COL19A1: variants seen among roughly 807,000 people sequenced by gnomAD.
The protein encoded by COL19A1 is collagen type XIX alpha 1 chain, also known as collagen alpha-1(XIX) chain.
Under a neutral mutation model 190.2 loss-of-function variants are expected in COL19A1, and 159 were observed. The observed-to-expected ratio is 0.84, with a 90% confidence interval of 0.73 to 0.95. The LOEUF is 0.95. Among genes scored for constraint, COL19A1 ranks in the 40% least tolerant of loss-of-function variants. The pLI, the probability that COL19A1 is intolerant of heterozygous loss-of-function variation, is 0.00. For synonymous variants in COL19A1, 509 were observed against 458.9 expected (o/e 1.11, Z -1.39); for missense variants, 1,418 against 1,431.9 (o/e 0.99, Z 0.16).
In COL19A1 at chr6:70,068,430, T is replaced by G; in HGVS notation, c.1178T>G (p.Leu393Arg). 1.3e-6 allele frequency: 2 copies of G among 1,595,956 alleles called. No homozygotes were observed. The highest frequency in any genetic ancestry group is 2.2e-5 in the South Asian group (2 of 90,620). Residue 393 changes from leucine (L) to arginine (R), a missense_variant, in exon 15 of 51, where the codon CTG becomes CGG. Physicochemically the swap from Leu to Arg is moderately radical, Grantham distance 102 (BLOSUM62 -2). Coordinates refer to ENST00000620364, the MANE Select transcript of COL19A1 (RefSeq NM_001858.6). ...GTCTCTTTTTCCTCATAGGGTTCCC[T>G]GGGGATACAAGGCCCCCAAGGTCCA... ...PPGPPALPGS[L>R]GIQGPQGPPG...
At chr6:69,968,758 T>G (rs1775259360) in intron 11 of COL19A1, among the ~76,000 whole-genome samples, 1 of 152,182 alleles carries the variant, frequency 6.6e-6, no homozygotes, top group Admixed American at 6.5e-5. Flanking sequence ...TTGGGCCACT[T>G]AAAATTTGGT....
intron 11 of COL19A1, among the ~76,000 whole-genome samples, chr6:69,987,983 A>C (rs1361285022): frequency 6.6e-6 from 1 of 152,120 alleles, no homozygotes; most frequent in Admixed American, 6.6e-5. Flanking sequence ...AATTATTTGG[A>C]CCCTTAAAGC....
At chr6:70,060,776 A>G (rs1263969760) in intron 14 of COL19A1, among the ~76,000 whole-genome samples, 1 of 152,164 alleles carries the variant, frequency 6.6e-6, no homozygotes, top group Non-Finnish European at 1.5e-5. Context: ...TAATAATAAT[A>G]GAAATAAAGT....
chr6:69,891,016 G>T, intron 2 of COL19A1: 2 of 352,068 alleles, frequency 5.7e-6, no homozygotes, highest in Non-Finnish European at 5.9e-6. Context: ...CTAGCAGAAG[G>T]GGCCATTGTC....
chr6:70,063,762 C>G (rs572109570), intron 14 of COL19A1, among the ~76,000 whole-genome samples: 1 of 152,116 alleles, frequency 6.6e-6, no homozygotes, highest in South Asian at 2.1e-4. Context: ...AGAGAAGAAT[C>G]AAATAGATGC....
chr6:69,929,537 A>G lies in COL19A1; in HGVS notation c.503A>G (p.Asp168Gly). The G allele has an allele frequency of 6.2e-7, 1 of 1,614,050 alleles. No individual in the cohort carries two copies. Among genetic ancestry groups the G allele is most frequent in the African/African-American group, 1.3e-5 (1 of 75,048 alleles). The change falls in exon 6 of 51, where the codon GAT becomes GGT. Residue 168 changes from aspartate to glycine, a missense_variant. Transcript: ENST00000620364. ...FRNRELRPLF[D>G]RQWHKLGISI... Reference sequence around the variant, plus strand: ...AATCGAGAACTCCGTCCTTTGTTTGATCGTCAGTGGCACAAACTTGGCATT... The same window carrying G: ...AATCGAGAACTCCGTCCTTTGTTTGGTCGTCAGTGGCACAAACTTGGCATT...
chr6:69,900,578 T>A (rs935635221), intron 4 of COL19A1, among the ~76,000 whole-genome samples: 116 of 152,238 alleles, frequency 7.6e-4, no homozygotes, highest in African/African-American at 2.7e-3. Flanking sequence ...TAGAGAACAG[T>A]AATTAAATCC....
At chr6:70,091,479 G>T (rs1365058747) in intron 15 of COL19A1, among the ~76,000 whole-genome samples, 1 of 152,114 alleles carries the variant, frequency 6.6e-6, no homozygotes, top group African/African-American at 2.4e-5. Context: ...ATTAATTTAT[G>T]AACAATTCTG....
At chr6:70,123,049 A>G (rs1267805530) in intron 17 of COL19A1, among the ~76,000 whole-genome samples, 10 of 152,186 alleles carry the variant, frequency 6.6e-5, no homozygotes, top group Admixed American at 6.5e-4. Context: ...TAATTTCTCA[A>G]CCTACTCATC....
Position 70,165,996 on chromosome 6 carries a change from C to G in COL19A1, c.2445+11C>G. The stretch of plus-strand genomic sequence containing the variant: ...CCACCTGGACCACCTGTGAGTTGTT[C>G]TAGGCTTAAAATTTAAAATTCATGT... On this transcript the variant is annotated intron_variant, in intron 37 of 50. Transcript: ENST00000620364. The G allele has an allele frequency of 6.2e-7, 1 of 1,612,888 alleles. No individual in the cohort carries two copies. The highest frequency in any genetic ancestry group is 8.5e-7 in the Non-Finnish European group (1 of 1,178,962).
intron 4 of COL19A1, among the ~76,000 whole-genome samples, chr6:69,910,233 A>C (rs1203654632): frequency 1.3e-5 from 2 of 152,158 alleles, no homozygotes; most frequent in African/African-American, 4.8e-5. Context: ...CAACAATGAT[A>C]ATGATTCTTA....
intron 11 of COL19A1, among the ~76,000 whole-genome samples, chr6:70,006,904 C>T (rs992132482): frequency 9.2e-5 from 14 of 151,742 alleles, no homozygotes; most frequent in African/African-American, 3.4e-4. Context: ...AGTAAAGATG[C>T]ATATTGTATA....
chr6:69,888,295 G>A (rs1030856450), intron 2 of COL19A1, among the ~76,000 whole-genome samples: 6 of 152,126 alleles, frequency 3.9e-5, no homozygotes, highest in South Asian at 2.1e-4. Context: ...ACAGGGAGAC[G>A]GAGGCCAAAC....
chr6:69,980,604 G>C (rs1775981322), intron 11 of COL19A1, among the ~76,000 whole-genome samples: 2 of 152,098 alleles, frequency 1.3e-5, no homozygotes, highest in South Asian at 4.1e-4. Context: ...GGAAATAATT[G>C]TTCTGATAAA....
At chr6:70,182,687 G>C (rs756704083) in intron 44 of COL19A1, among the ~76,000 whole-genome samples, 8 of 152,170 alleles carry the variant, frequency 5.3e-5, no homozygotes, top group Non-Finnish European at 8.8e-5. Flanking sequence ...AGTAAGGAGT[G>C]ATCAACATAC....
intron 7 of COL19A1, among the ~76,000 whole-genome samples, chr6:69,934,701 T>C (rs1355439854): frequency 6.6e-6 from 1 of 151,944 alleles, no homozygotes; most frequent in African/African-American, 2.4e-5. Flanking sequence ...GGAATTTATC[T>C]CTGACTATGG....
At chr6:70,171,816 C>T (rs1765518055) in intron 40 of COL19A1, 148 bp from the exon 41 acceptor site, 2 of 669,002 alleles carry the variant, frequency 3.0e-6, no homozygotes, top group South Asian at 3.5e-5. Context: ...TAATACATTA[C>T]TTAAAAATAG....
chr6:69,893,825 A>C (rs946843817), intron 2 of COL19A1, among the ~76,000 whole-genome samples: 1 of 152,222 alleles, frequency 6.6e-6, no homozygotes, highest in East Asian at 1.9e-4. Flanking sequence ...ATTCCTCTGC[A>C]CAATAAAACT....
chr6:69,928,790 A>G (rs1772561847), intron 5 of COL19A1, among the ~76,000 whole-genome samples: 1 of 152,194 alleles, frequency 6.6e-6, no homozygotes, highest in Non-Finnish European at 1.5e-5. Flanking sequence ...CCTCAAAATT[A>G]CTTGTTGGCA....
Sources: gnomAD v4.1 joint callset for allele counts (sites outside exome capture counted in the v4.1 genomes callset) on GRCh38, gnomAD v4.1.1 for gene constraint, MANE v1.5 for transcripts, NCBI Gene and HGNC (gene_info 2026-07-23, HGNC 2026-07-21) for gene names.